The following MACROD2 variants were observed in gnomAD, a reference collection of about 807,000 sequenced individuals.
The protein encoded by MACROD2 is mono-ADP ribosylhydrolase 2.
Under a neutral mutation model 70.4 loss-of-function variants are expected in MACROD2, and 36 were observed. The ratio of observed to expected loss-of-function variants is 0.51; its 90% CI spans 0.39 to 0.68. The LOEUF is 0.68. Among genes scored for constraint, MACROD2 ranks in the 30% least tolerant of loss-of-function variants. MACROD2 has a pLI of 0.00. For synonymous variants in MACROD2, 172 were observed against 178.8 expected (o/e 0.96, Z 0.30); for missense variants, 496 against 538.4 (o/e 0.92, Z 0.78).
At chr20:14,011,401 T>C (rs1020916601) in intron 2 of MACROD2, among the ~76,000 whole-genome samples, 5 of 152,244 alleles carry the variant, frequency 3.3e-5, no homozygotes, top group African/African-American at 1.2e-4. Flanking sequence ...TGTCCCTTCC[T>C]GTTTTAAATC....
At chr20:14,230,641 A>G (rs1343690642) in intron 3 of MACROD2, among the ~76,000 whole-genome samples, 1 of 3,130 alleles carries the variant, frequency 3.2e-4, no homozygotes, top group Non-Finnish European at 1.0e-3. Context: ...TTATATATAT[A>G]TATATATATA....
intron 4 of MACROD2, among the ~76,000 whole-genome samples, chr20:14,630,422 T>C (rs554949149): frequency 1.3e-5 from 2 of 152,314 alleles, no homozygotes; most frequent in African/African-American, 4.8e-5. Flanking sequence ...ACTAAACTTG[T>C]TTGAGGCTTT....
At chr20:14,417,298 G>A (rs2083820120) in intron 3 of MACROD2, among the ~76,000 whole-genome samples, 1 of 152,158 alleles carries the variant, frequency 6.6e-6, no homozygotes, top group East Asian at 1.9e-4. Context: ...CTAGAGGACT[G>A]AGAAGATAGA....
At chr20:15,659,777 C>A (rs1239965482) in intron 8 of MACROD2, among the ~76,000 whole-genome samples, 1 of 152,106 alleles carries the variant, frequency 6.6e-6, no homozygotes, top group Non-Finnish European at 1.5e-5. Context: ...AGCAAATGCT[C>A]AGCCTCAGAT....
intron 3 of MACROD2, among the ~76,000 whole-genome samples, chr20:14,422,871 A>G (rs958823157): frequency 6.6e-6 from 1 of 152,216 alleles, no homozygotes; most frequent in Admixed American, 6.5e-5. Flanking sequence ...TTATCTATTT[A>G]TATGGCTTGA....
At chr20:15,381,567 G>A (rs1322268719) in intron 6 of MACROD2, among the ~76,000 whole-genome samples, 1 of 152,136 alleles carries the variant, frequency 6.6e-6, no homozygotes, top group Admixed American at 6.5e-5. Flanking sequence ...TTGGGAGGCT[G>A]AGGTGGGAGG....
intron 6 of MACROD2, among the ~76,000 whole-genome samples, chr20:15,288,317 G>A (rs1485717943): frequency 6.6e-6 from 1 of 152,190 alleles, no homozygotes; most frequent in Admixed American, 6.5e-5. Context: ...TGTCTCCATG[G>A]TGAGCAGAAC....
chr20:15,866,135 C>T (rs2064490042), intron 9 of MACROD2, among the ~76,000 whole-genome samples: 1 of 152,170 alleles, frequency 6.6e-6, no homozygotes, highest in Non-Finnish European at 1.5e-5. Context: ...GCTGGCCAGG[C>T]ACAGTGGCTC....
intron 8 of MACROD2, among the ~76,000 whole-genome samples, chr20:15,785,687 C>T (rs73900240): frequency 0.03 from 4,530 of 152,116 alleles, 169 homozygotes; most frequent in African/African-American, 0.091. Flanking sequence ...AGCTGAGTTT[C>T]CCTGAGGCAG....
At chr20:15,855,712 C>A (rs1181599599) in intron 8 of MACROD2, among the ~76,000 whole-genome samples, 1 of 152,152 alleles carries the variant, frequency 6.6e-6, no homozygotes, top group African/African-American at 2.4e-5. Flanking sequence ...ACATTAACTT[C>A]TAACTCCATC....
In MACROD2 at chr20:14,349,906, G is replaced by A. The variant is rs555538648; in HGVS notation, c.272-143573G>A. On this transcript the variant is annotated intron_variant, in intron 3 of 17. Coordinates refer to ENST00000684519, the MANE Select transcript of MACROD2 (RefSeq NM_001351661.2). ...TGGAACTACAGGCATGCACCACCAC[G>A]CCCGGCTAATTTTTTGTATTTTAGT... Among the ~76,000 whole-genome samples, 50 of 143,868 alleles carry A rather than the reference G, an allele frequency of 3.5e-4. 1 individual carries two copies. In the East Asian group the frequency reaches 5.8e-3, roughly 17 times the overall value. 94.4% of individuals were successfully genotyped at this position (143,868 alleles called of 152,430 possible).
chr20:15,749,366 T>C (rs1180566935), intron 8 of MACROD2, among the ~76,000 whole-genome samples: 1 of 152,104 alleles, frequency 6.6e-6, no homozygotes, highest in Non-Finnish European at 1.5e-5. Flanking sequence ...ATAGCACTTG[T>C]CACTATTTGA....
At chr20:14,512,150 T>C (rs1234347061) in intron 4 of MACROD2, among the ~76,000 whole-genome samples, 1 of 152,112 alleles carries the variant, frequency 6.6e-6, no homozygotes, top group Non-Finnish European at 1.5e-5. Context: ...TGATATTAAC[T>C]AGAGCAAATA....
In MACROD2 at chr20:14,510,190, C is replaced by G. The variant is rs754151506; in HGVS notation, c.301+16682C>G. 3.9e-4 allele frequency among the ~76,000 whole-genome samples: 59 copies of G among 152,054 alleles called. No homozygotes were observed. In the Middle Eastern group the frequency reaches 0.014, roughly 35 times the overall value. On this transcript the variant is annotated intron_variant, in intron 4 of 17. Transcript: ENST00000684519. ...TTTATGGCAGCGTTTGGAACTAGCT[C>G]AAGGTTTACATTTGATCAGGATATG... is the stretch of plus-strand genomic sequence containing the variant.
rs1408327808 is a variant in MACROD2, at chr20:13,995,791, G to C, written c.28G>C (p.Val10Leu). The change falls in exon 1 of 18, where the codon GTG (valine) becomes CTG (leucine). Residue 10 changes from valine (V) to leucine (L), a missense_variant. Physicochemically the swap from Val to Leu is conservative, Grantham distance 32 (BLOSUM62 1). Transcript: ENST00000684519. The surrounding 1 kb of genome is among the most constrained non-coding windows in gnomAD (Gnocchi z 4.3). Reference protein sequence around the residue: MYPSNKKKKVWREEKERLLK... With the variant: MYPSNKKKKLWREEKERLLK... ...GTACCCCAGCAACAAGAAGAAAAAGGTGTGGAGAGAGGAGAAAGGTAACCG... is the reference window on the plus strand; with the variant it reads ...GTACCCCAGCAACAAGAAGAAAAAGCTGTGGAGAGAGGAGAAAGGTAACCG... 1.2e-6 allele frequency: 2 copies of C among 1,605,340 alleles called. No individual in the cohort carries two copies. Among genetic ancestry groups the C allele is most frequent in the South Asian group, 2.2e-5 (2 of 90,386 alleles).
intron 3 of MACROD2, among the ~76,000 whole-genome samples, chr20:14,310,571 G>A (rs2082558218): frequency 6.6e-6 from 1 of 151,944 alleles, no homozygotes; most frequent in Non-Finnish European, 1.5e-5. Context: ...CATCATCCTT[G>A]ATAAGAAAAA....
At chr20:15,393,634 GTTAGT>G (rs1170833613) in intron 6 of MACROD2, among the ~76,000 whole-genome samples, 4 of 152,120 alleles carry the variant, frequency 2.6e-5, no homozygotes, top group African/African-American at 9.7e-5. Flanking sequence ...AATGTCCGCT[GTTAGT>G]TTAATGTACT....
intron 8 of MACROD2, among the ~76,000 whole-genome samples, chr20:15,803,474 A>G (rs943417111): frequency 6.6e-6 from 1 of 152,144 alleles, no homozygotes; most frequent in African/African-American, 2.4e-5. Flanking sequence ...GTGGGACACT[A>G]TTGGTCTCAT....
intron 5 of MACROD2, among the ~76,000 whole-genome samples, chr20:14,786,841 GCT>G (rs2072380573): frequency 6.6e-6 from 1 of 151,994 alleles, no homozygotes; most frequent in African/African-American, 2.4e-5. Flanking sequence ...TCCTGTTTCT[GCT>G]CTCTCTGTAC....
Sources: allele counts gnomAD v4.1 joint callset (sites outside exome capture counted in the v4.1 genomes callset), GRCh38; gene constraint gnomAD v4.1.1; non-coding constraint Gnocchi (gnomAD v3.1); transcripts MANE v1.5; gene names NCBI Gene and HGNC (gene_info 2026-07-23, HGNC 2026-07-21).